LMBRD1: variants seen among roughly 807,000 people sequenced by gnomAD.
LMBRD1 encodes LMBR1 domain containing 1.
In LMBRD1, 64 loss-of-function variants were observed where a neutral mutation model predicts 74.8. The observed-to-expected ratio is 0.86, with a 90% CI of 0.70 to 1.05. LMBRD1 has a LOEUF of 1.05. LMBRD1 is among the 50% of genes least tolerant of loss of function. The pLI, the probability that LMBRD1 is intolerant of heterozygous loss-of-function variation, is 0.00. For synonymous variants in LMBRD1, 204 were observed against 216.3 expected, an observed-to-expected ratio of 0.94 and a Z score of 0.50; for missense variants, 652 against 645.9, an observed-to-expected ratio of 1.01 and a Z score of -0.10.
intron 7 of LMBRD1, among the ~76,000 whole-genome samples, chr6:69,726,660 G>T (rs1766741747): frequency 6.6e-6 from 1 of 151,960 alleles, no homozygotes; most frequent in Admixed American, 6.6e-5. Context: ...TGACTTATTT[G>T]TAGGATCTAA....
At chr6:69,791,881 T>A (rs1766096152) in intron 1 of LMBRD1, among the ~76,000 whole-genome samples, 1 of 152,162 alleles carries the variant, frequency 6.6e-6, no homozygotes, top group South Asian at 2.1e-4. Flanking sequence ...AATAAGACCC[T>A]GAAAAACCAG....
chr6:69,686,633 ACTCT>A (rs3070238), intron 14 of LMBRD1, among the ~76,000 whole-genome samples: 64,996 of 151,510 alleles, frequency 0.43, 14,353 homozygotes, highest in Non-Finnish European at 0.49. Context: ...TCTCTCTCAA[ACTCT>A]CTATCAAGCA....
intron 3 of LMBRD1, among the ~76,000 whole-genome samples, chr6:69,777,581 C>G (rs1765731718): frequency 6.6e-6 from 1 of 151,764 alleles, no homozygotes; most frequent in Non-Finnish European, 1.5e-5. Context: ...GAAGCTACAG[C>G]TGAGGAAATA....
chr6:69,734,909 T>C (rs1766941069), intron 7 of LMBRD1, among the ~76,000 whole-genome samples: 1 of 152,112 alleles, frequency 6.6e-6, no homozygotes. Context: ...GTGACGATGG[T>C]TGTGGTCATA....
chr6:69,724,907 A>G (rs1044218939), intron 7 of LMBRD1, among the ~76,000 whole-genome samples: 1 of 152,074 alleles, frequency 6.6e-6, no homozygotes, highest in Non-Finnish European at 1.5e-5. Context: ...ATAAACTGGA[A>G]AGGAAAAAGT....
intron 2 of LMBRD1, among the ~76,000 whole-genome samples, chr6:69,781,050 G>T (rs1353188748): frequency 1.3e-5 from 2 of 152,148 alleles, no homozygotes; most frequent in Admixed American, 1.3e-4. Context: ...TGTCCTAAGG[G>T]CAATGGAAAA....
At chr6:69,692,411 C>T (rs143810350) in intron 14 of LMBRD1, among the ~76,000 whole-genome samples, 40 of 152,156 alleles carry the variant, frequency 2.6e-4, no homozygotes, top group African/African-American at 8.2e-4. Flanking sequence ...AATAAGACAA[C>T]ACAAGTTTAC....
At chr6:69,766,895 T>C (rs1765484882) in intron 3 of LMBRD1, among the ~76,000 whole-genome samples, 2 of 151,832 alleles carry the variant, frequency 1.3e-5, no homozygotes, top group South Asian at 2.1e-4. Context: ...ATTCAACTTC[T>C]ATGCTTGCTA....
chr6:69,676,213 C>A lies in LMBRD1; in HGVS notation c.1568G>T (p.Gly523Val), dbSNP rs757918574. 17 of 1,613,270 alleles carry A rather than the reference C, an allele frequency of 1.1e-5. 1 individual carries two copies. In the Middle Eastern group the frequency reaches 6.6e-4, roughly 63 times the overall value. ...ACTTATGTCTGAATCTTCATCTACTCCTTCAATAACCGATTTCTTCCCTTT... is the reference window on the plus strand; with the variant it reads ...ACTTATGTCTGAATCTTCATCTACTACTTCAATAACCGATTTCTTCCCTTT... The part of the protein sequence containing the change: ...CCKGKKSVIE[G>V]VDEDSDISDD... Residue 523 changes from glycine to valine, a missense_variant, in exon 16 of 16, where the codon GGA becomes GTA. Gly to Val is a moderately radical substitution (Grantham distance 109). Coordinates refer to ENST00000649934, the MANE Select transcript of LMBRD1 (RefSeq NM_018368.4).
rs1232443231 is a variant in LMBRD1, at chr6:69,675,297, T to A, written c.*861A>T. Reference sequence around the variant, plus strand: ...TATAATTTTTTATTATTTCTCACTATCCAGAATGTGTTCAAAATACCCTAC... The same window carrying A: ...TATAATTTTTTATTATTTCTCACTAACCAGAATGTGTTCAAAATACCCTAC... On this transcript the variant is annotated 3_prime_UTR_variant, in exon 16 of 16. Coordinates refer to ENST00000649934, the MANE Select transcript of LMBRD1 (RefSeq NM_018368.4). 6.6e-6 allele frequency among the ~76,000 whole-genome samples: 1 copy of A among 152,190 alleles called. No individual in the cohort carries two copies. Among genetic ancestry groups the A allele is most frequent in the Non-Finnish European group, 1.5e-5 (1 of 68,022 alleles).
chr6:69,781,172 TC>T (rs1765827015), intron 2 of LMBRD1, among the ~76,000 whole-genome samples: 1 of 152,168 alleles, frequency 6.6e-6, no homozygotes, highest in African/African-American at 2.4e-5. Flanking sequence ...CAGTCTAATC[TC>T]CTTTGCATTC....
intron 5 of LMBRD1, among the ~76,000 whole-genome samples, chr6:69,745,192 C>A (rs1201461533): frequency 3.3e-5 from 5 of 151,800 alleles, no homozygotes; most frequent in Non-Finnish European, 7.4e-5. Flanking sequence ...CATTCATTTA[C>A]ACAAATATAT....
intron 9 of LMBRD1, among the ~76,000 whole-genome samples, chr6:69,710,365 G>A (rs939753585): frequency 5.9e-5 from 9 of 152,044 alleles, no homozygotes; most frequent in Non-Finnish European, 1.2e-4. Context: ...CTTAAATGGG[G>A]TCATGATCCC....
chr6:69,751,809 G>A (rs1026618200), intron 4 of LMBRD1, among the ~76,000 whole-genome samples: 1 of 152,198 alleles, frequency 6.6e-6, no homozygotes, highest in African/African-American at 2.4e-5. Flanking sequence ...TGGCAGACTT[G>A]AGTGGCTAAG....
At chr6:69,757,639 T>A (rs1486208294) in intron 3 of LMBRD1, among the ~76,000 whole-genome samples, 1 of 152,200 alleles carries the variant, frequency 6.6e-6, no homozygotes, top group Non-Finnish European at 1.5e-5. Context: ...AAGTTGAGTT[T>A]ATATATCTGT....
chr6:69,681,345 T>G (rs1174491343), intron 14 of LMBRD1, among the ~76,000 whole-genome samples: 2 of 152,050 alleles, frequency 1.3e-5, no homozygotes, highest in Non-Finnish European at 2.9e-5. Context: ...TACACCATTT[T>G]TTTTGTAATT....
intron 2 of LMBRD1, among the ~76,000 whole-genome samples, chr6:69,785,345 A>G (rs1254853206): frequency 1.3e-5 from 2 of 152,170 alleles, no homozygotes; most frequent in African/African-American, 4.8e-5. Context: ...AACTGTAGAT[A>G]TCATCCATAT....
chr6:69,686,217 C>A (rs945907057), intron 14 of LMBRD1, among the ~76,000 whole-genome samples: 1 of 152,108 alleles, frequency 6.6e-6, no homozygotes, highest in Non-Finnish European at 1.5e-5. Flanking sequence ...AGGCAAAGTT[C>A]TTTATATTAG....
intron 3 of LMBRD1, among the ~76,000 whole-genome samples, chr6:69,776,319 C>T (rs950793030): frequency 6.6e-6 from 1 of 152,190 alleles, no homozygotes; most frequent in Non-Finnish European, 1.5e-5. Context: ...AGGAAGATGA[C>T]TAAAACTTCT....
Sources: gnomAD v4.1 joint callset for allele counts (sites outside exome capture counted in the v4.1 genomes callset) on GRCh38, gnomAD v4.1.1 for gene constraint, MANE v1.5 for transcripts, NCBI Gene and HGNC (gene_info 2026-07-23, HGNC 2026-07-21) for gene names.